The following FHAD1 variants were observed in gnomAD, a reference collection of about 807,000 sequenced individuals.
FHAD1 encodes the protein forkhead associated phosphopeptide binding domain 1.
FHAD1 carries 146 observed loss-of-function variants against 191.3 expected under a neutral mutation model. That is an observed-to-expected ratio of 0.76 (90% CI 0.67 to 0.88). The LOEUF (loss-of-function observed/expected upper bound fraction) is 0.88. Among genes scored for constraint, FHAD1 ranks in the 40% least tolerant of loss-of-function variants. The pLI is 0.00. For missense variants in FHAD1, 1,635 were observed against 1,785.8 expected, an observed-to-expected ratio of 0.92 and a Z score of 1.52; for synonymous variants, 616 against 672.3, an observed-to-expected ratio of 0.92 and a Z score of 1.29.
intron 16 of FHAD1, chr1:15,343,987 G>A (rs975876308): frequency 6.6e-6 from 1 of 152,210 alleles, no homozygotes; most frequent in African/African-American, 2.4e-5. Flanking sequence ...CAACCCTGGC[G>A]ACACTGGCCT....
chr1:15,349,109 A>G lies in FHAD1; in HGVS notation c.2414A>G (p.Lys805Arg). The change falls in exon 19 of 34, where the codon AAA becomes AGA. Residue 805 changes from lysine (K) to arginine (R), a missense_variant. Transcript: ENST00000688493. ...AKEALESEKR[K>R]VQDLENHLTQ... ...GAAGCCTTGGAGTCGGAAAAGAGAA[A>G]AGTTCAGGATCTGGAGAACCATTTA... 6.4e-7 allele frequency: 1 copy of G among 1,551,720 alleles called. No homozygotes were observed. Among genetic ancestry groups the G allele is most frequent in the Non-Finnish European group, 8.7e-7 (1 of 1,147,008 alleles).
At position 15,360,581 on chromosome 1, in the gene FHAD1, A is replaced by G. The variant is rs2102652366; in HGVS notation, c.2840A>G (p.Tyr947Cys). 3.2e-6 allele frequency: 5 copies of G among 1,552,176 alleles called. No individual in the cohort carries two copies. Among genetic ancestry groups the G allele is most frequent in the East Asian group, 2.4e-5 (1 of 40,918 alleles). The change falls in exon 22 of 34, where the codon TAT becomes TGT. Residue 947 changes from tyrosine (Y) to cysteine (C), a missense_variant. Tyr to Cys is a radical substitution (Grantham distance 194). Coordinates refer to ENST00000688493, the MANE Select transcript of FHAD1 (RefSeq NM_001391957.1). ...GGGTTTGAAGAAGAGATCATGGAAT[A>G]TAAGGAGCAAATCAAACAGCACGCC... ...RHGFEEEIME[Y>C]KEQIKQHAQT...
chr1:15,382,573 C>T (rs928289911), intron 31 of FHAD1, among the ~76,000 whole-genome samples: 23 of 152,004 alleles, frequency 1.5e-4, no homozygotes, highest in Admixed American at 1.1e-3. Context: ...ATTTGGTGAA[C>T]GGATGGGTGG....
intron 16 of FHAD1, among the ~76,000 whole-genome samples, chr1:15,343,489 C>T (rs887244723): frequency 1.3e-5 from 2 of 152,060 alleles, no homozygotes; most frequent in Non-Finnish European, 2.9e-5. Flanking sequence ...ACCACACACA[C>T]CTGCCCTCCA....
chr1:15,354,602 T>C (rs1692084333), intron 20 of FHAD1, among the ~76,000 whole-genome samples: 1 of 151,258 alleles, frequency 6.6e-6, no homozygotes, highest in Admixed American at 6.6e-5. Context: ...ACACTATGGG[T>C]AGGCAAAAAG....
chr1:15,252,790 C>T (rs546169497), intron 2 of FHAD1, among the ~76,000 whole-genome samples: 1 of 152,226 alleles, frequency 6.6e-6, no homozygotes, highest in Non-Finnish European at 1.5e-5. Context: ...TCATTCCATT[C>T]TCTGAATTAG....
In FHAD1 at chr1:15,395,206, C is replaced by T. The variant is rs770271291; in HGVS notation, c.4324-2091C>T. Among the ~76,000 whole-genome samples the T allele has an allele frequency of 3.4e-5, 5 of 148,392 alleles. No individual in the cohort carries two copies. The South Asian group carries it at 9.0e-4, about 27-fold the overall frequency. On this transcript the variant is annotated intron_variant, in intron 33 of 33. Transcript: ENST00000688493. ...GCGGGCACCTGTTGTCCCAGGTACT[C>T]GGGAGGCTGAGGCAGGAGAATGGCG...
chr1:15,308,699 G>A lies in FHAD1; in HGVS notation c.1002G>A (p.Glu334=), dbSNP rs977003394. ...RNSEITSLKN[E]GENLKRDNAI... ...CAGAAATCACATCCCTGAAGAATGA[G>A]GGCGAGAACTTAAAGAGAGACAACG... The change falls in exon 7 of 34, where the codon GAG becomes GAA. Residue 334 remains glutamate, a synonymous_variant. Transcript: ENST00000688493. 7.7e-6 allele frequency: 12 copies of A among 1,551,612 alleles called. No individual in the cohort carries two copies. In the African/African-American group the frequency reaches 1.6e-4, roughly 21 times the overall value.
intron 22 of FHAD1, among the ~76,000 whole-genome samples, 182 bp downstream of exon 22, chr1:15,360,885 T>C (rs1694575290): frequency 6.6e-6 from 1 of 152,138 alleles, no homozygotes; most frequent in African/African-American, 2.4e-5. Context: ...AGGCCCAGGT[T>C]CAGCAGAAGT....
intron 8 of FHAD1, 141 bp downstream of exon 8, chr1:15,313,328 G>A (rs978040834): frequency 1.1e-5 from 8 of 746,472 alleles, no homozygotes; most frequent in African/African-American, 3.6e-5. Flanking sequence ...TGCTGGGGGC[G>A]GGGTGGTGGG....
At chr1:15,284,711 G>A (rs146245742) in intron 3 of FHAD1, among the ~76,000 whole-genome samples, 6 of 152,176 alleles carry the variant, frequency 3.9e-5, no homozygotes, top group South Asian at 2.1e-4. Flanking sequence ...GAGATCATCC[G>A]GAAACAATGG....
At chr1:15,301,490 G>A (rs914884936) in intron 6 of FHAD1, 49 bp downstream of exon 6, 1 of 1,516,656 alleles carries the variant, frequency 6.6e-7, no homozygotes, top group Non-Finnish European at 8.9e-7. Flanking sequence ...CAAGGCCCGG[G>A]AGGCCCCAGG....
intron 2 of FHAD1, among the ~76,000 whole-genome samples, chr1:15,253,148 C>CTCTG (rs375368896): frequency 6.2e-5 from 9 of 146,046 alleles, no homozygotes; most frequent in Admixed American, 1.4e-4. Flanking sequence ...GACATAAGTG[C>CTCTG]TGTGTGTGTG....
At chr1:15,349,001 A>G (rs890271781) in intron 18 of FHAD1, 41 bp from the exon 19 acceptor site, 1 of 1,280,528 alleles carries the variant, frequency 7.8e-7, no homozygotes, top group Admixed American at 2.2e-5. Context: ...TTTCCCCCCT[A>G]AATGTGCAGG....
In FHAD1 at chr1:15,276,522, C is replaced by T. The variant is rs1041695755; in HGVS notation, c.300+3993C>T. Among the ~76,000 whole-genome samples the T allele has an allele frequency of 2.6e-5, 4 of 152,120 alleles. No homozygotes were observed. The highest frequency in any genetic ancestry group is 5.9e-5 in the Non-Finnish European group (4 of 68,008). The stretch of plus-strand genomic sequence containing the variant: ...TTTTGCCAAAGTATAGCCTAGGGGC[C>T]GGGCGTGGTGACTCATGCCTGTAAT... On this transcript the variant is annotated intron_variant, in intron 3 of 33. Transcript: ENST00000688493. This position sits in a 1 kb window ranked among gnomAD's most constrained non-coding sequence, Gnocchi z 4.7.
intron 4 of FHAD1, among the ~76,000 whole-genome samples, chr1:15,291,096 A>C (rs1304981854): frequency 6.8e-6 from 1 of 146,000 alleles, no homozygotes; most frequent in African/African-American, 2.6e-5. Flanking sequence ...TACCATTAAC[A>C]TTTTACTATA....
At chr1:15,274,893 A>G (rs1657651715) in intron 3 of FHAD1, among the ~76,000 whole-genome samples, 1 of 152,226 alleles carries the variant, frequency 6.6e-6, no homozygotes, top group Admixed American at 6.5e-5. Context: ...GCAGGTAACA[A>G]TTGGGAGAAA....
chr1:15,382,296 A>C, intron 31 of FHAD1, 103 bp downstream of exon 31: 2 of 1,202,158 alleles, frequency 1.7e-6, no homozygotes, highest in Non-Finnish European at 2.3e-6. Context: ...CACAGAACAC[A>C]GGGATGGATG....
chr1:15,300,089 CTG>C (rs547460839), intron 5 of FHAD1, among the ~76,000 whole-genome samples: 21 of 152,222 alleles, frequency 1.4e-4, no homozygotes, highest in Admixed American at 3.3e-4. Context: ...ATCAGGAACT[CTG>C]TAGCTGCCTA....
Sources: gnomAD v4.1 joint callset for allele counts (sites outside exome capture counted in the v4.1 genomes callset) on GRCh38, gnomAD v4.1.1 for gene constraint, Gnocchi (gnomAD v3.1) non-coding constraint, MANE v1.5 for transcripts, NCBI Gene and HGNC (gene_info 2026-07-23, HGNC 2026-07-21) for gene names.